Variants in CCDC149 observed in about 807,000 individuals in gnomAD.
The protein encoded by CCDC149 is coiled-coil domain containing 149, also known as coiled-coil domain-containing protein 149.
Under a neutral mutation model 59.9 loss-of-function variants are expected in CCDC149, and 45 were observed. That is an observed-to-expected ratio of 0.75 (90% CI 0.59 to 0.96). CCDC149 has a LOEUF of 0.96. Ranked by LOEUF, CCDC149 falls within the 40% of genes least tolerant of loss-of-function variation. CCDC149 has a pLI of 0.00. For synonymous variants in CCDC149, 245 were observed against 260.6 expected (o/e 0.94, Z 0.58); for missense variants, 584 against 664.7 (o/e 0.88, Z 1.33).
At chr4:24,918,554 G>T (rs1481493988) in intron 1 of CCDC149, among the ~76,000 whole-genome samples, 1 of 152,184 alleles carries the variant, frequency 6.6e-6, no homozygotes, top group Non-Finnish European at 1.5e-5. Context: ...GCCAGGCCTT[G>T]CTCTGCATCT....
exon 1 of CCDC149, chr4:24,980,121 C>T (rs960123136): frequency 1.3e-5 from 2 of 152,224 alleles, no homozygotes; most frequent in Non-Finnish European, 2.9e-5. Context: ...GACATCTGGA[C>T]TCCAGGAAAA....
At chr4:24,928,059 G>A (rs1167989159) in intron 1 of CCDC149, among the ~76,000 whole-genome samples, 2 of 152,150 alleles carry the variant, frequency 1.3e-5, no homozygotes, top group East Asian at 1.9e-4. Flanking sequence ...TACATTGTTC[G>A]CTGTGATTGA....
chr4:24,845,903 C>T (rs1717258592), intron 4 of CCDC149, among the ~76,000 whole-genome samples: 1 of 152,194 alleles, frequency 6.6e-6, no homozygotes, highest in Non-Finnish European at 1.5e-5. Flanking sequence ...TCTTTAGTGT[C>T]CCATCAAGCA....
rs533672007 is a variant in CCDC149, at chr4:24,887,414, C to G, written c.64-10717G>C. On this transcript the variant is annotated intron_variant, in intron 1 of 12. Transcript: ENST00000635206. ...CATGCCTGCTAATCCAGACAGAGTT[C>G]TCAGCAGATGATAAACAGACATGGC... Among the ~76,000 whole-genome samples the G allele has an allele frequency of 4.6e-5, 7 of 152,188 alleles. No homozygotes were observed. In the South Asian group the frequency reaches 1.5e-3, roughly 32 times the overall value.
rs75296728 is a variant in CCDC149, at chr4:24,970,449, A to T, written c.-65+9620T>A. On this transcript the variant is annotated intron_variant, in intron 1 of 12. Coordinates refer to the CCDC149 transcript ENST00000389609. ...ACCCACCCCCTGGCTAGCCTGTAGC[A>T]TTTATGATGGGTGGGGCTGGCTACT... Among the ~76,000 whole-genome samples the T allele has an allele frequency of 6.6e-5, 10 of 152,288 alleles. No homozygotes were observed. In the East Asian group the frequency reaches 1.9e-3, roughly 29 times the overall value.
At chr4:24,847,558 A>T (rs114388094) in intron 4 of CCDC149, among the ~76,000 whole-genome samples, 1,768 of 152,324 alleles carry the variant, frequency 0.012, 31 homozygotes, top group African/African-American at 0.04. Context: ...GATGCTAGAA[A>T]GTTAATTAGC....
In CCDC149 at chr4:24,950,330, C is replaced by T. The variant is rs1038310998; in HGVS notation, c.-65+29739G>A. Among the ~76,000 whole-genome samples, 4 of 152,234 alleles carry T rather than the reference C, an allele frequency of 2.6e-5. No homozygotes were observed. The South Asian group carries it at 8.3e-4, about 31-fold the overall frequency. ...GTGAAGGGTGATTCTAATCCAACCT[C>T]ATAGGTGGGTTGTGAAAATGTATTT... On this transcript the variant is annotated intron_variant, in intron 1 of 12. Transcript: ENST00000389609.
At chr4:24,919,243 C>T (rs759181803) in intron 1 of CCDC149, among the ~76,000 whole-genome samples, 15 of 152,252 alleles carry the variant, frequency 9.9e-5, no homozygotes, top group Middle Eastern at 3.4e-3. Flanking sequence ...CTGAACTAGG[C>T]TGTGAGGATG....
At position 24,855,411 on chromosome 4, in the gene CCDC149, C is replaced by A. The variant is rs548453829; in HGVS notation, c.265-2232G>T. 2.6e-5 allele frequency among the ~76,000 whole-genome samples: 4 copies of A among 152,066 alleles called. No homozygotes were observed. In the South Asian group the frequency reaches 8.3e-4, roughly 32 times the overall value. ...GAAACTCTGTCTCTACTAAAAAATA[C>A]AGAAATTAGCCAGGCATAGTAGCAC... On this transcript the variant is annotated intron_variant, in intron 3 of 12. Coordinates refer to ENST00000635206, the MANE Select transcript of CCDC149 (RefSeq NM_001330643.2).
upstream of CCDC149, among the ~76,000 whole-genome samples, chr4:24,916,842 T>A (rs1722137041): frequency 6.8e-6 from 1 of 146,682 alleles, no homozygotes; most frequent in Non-Finnish European, 1.5e-5. Flanking sequence ...ATTTATTAAT[T>A]AGCTCTATAT....
At chr4:24,868,576 A>G (rs763664946) in intron 3 of CCDC149, among the ~76,000 whole-genome samples, 27 of 152,148 alleles carry the variant, frequency 1.8e-4, no homozygotes, top group Admixed American at 6.5e-5. Flanking sequence ...CTAGTACAAT[A>G]ACTATATTAT....
At chr4:24,883,751 A>G (rs1719988230) in intron 1 of CCDC149, among the ~76,000 whole-genome samples, 2 of 152,370 alleles carry the variant, frequency 1.3e-5, no homozygotes, top group South Asian at 4.1e-4. Flanking sequence ...TAAAGCATCC[A>G]GAACACTTTT....
intron 1 of CCDC149, among the ~76,000 whole-genome samples, chr4:24,944,510 T>C (rs1374137519): frequency 6.6e-6 from 1 of 151,246 alleles, no homozygotes; most frequent in East Asian, 2.0e-4. Flanking sequence ...GTAACAAACC[T>C]GCACGTTGTG....
Position 24,940,491 on chromosome 4 carries a change from C to T in CCDC149, c.-65+39578G>A, listed in dbSNP as rs376989130. Among the ~76,000 whole-genome samples, 644 of 152,114 alleles carry T rather than the reference C, an allele frequency of 4.2e-3. 8 individuals are homozygous for T. Among genetic ancestry groups the T allele is most frequent in the African/African-American group, 0.014 (589 of 41,506 alleles). On this transcript the variant is annotated intron_variant, in intron 1 of 12. Coordinates refer to the CCDC149 transcript ENST00000389609. ...GCTAGGAAGAAACAGCATCAACTAA[C>T]GAGCAAAATAACCAGCTAACATCAT... is the stretch of plus-strand genomic sequence containing the variant.
Position 24,837,423 on chromosome 4 carries a change from T to TG in CCDC149, c.490-24_490-23insC. The TG allele has an allele frequency of 6.2e-7, 1 of 1,612,358 alleles. No individual in the cohort carries two copies. Among genetic ancestry groups the TG allele is most frequent in the Non-Finnish European group, 8.5e-7 (1 of 1,178,906 alleles). On this transcript the variant is annotated intron_variant, in intron 5 of 12. Transcript: ENST00000635206. The surrounding 1 kb of genome is among the most constrained non-coding windows in gnomAD (Gnocchi z 4.3). ...AATCTAAAACCACAGGGAGAGCCCT[T>TG]ACTCAAGATGTTCCTCAGGCTCCAG... is the stretch of plus-strand genomic sequence containing the variant.
At position 24,876,627 on chromosome 4, in the gene CCDC149, G is replaced by C; in HGVS notation, c.134C>G (p.Thr45Ser). ...GTACTGGTCCCTTTCCTGTTGACAGGTGTCCAGCTCCTTGGAGAGGATCAG... is the reference window on the plus strand; with the variant it reads ...GTACTGGTCCCTTTCCTGTTGACAGCTGTCCAGCTCCTTGGAGAGGATCAG... Residue 45 changes from threonine to serine, a missense_variant, in exon 2 of 13, where the codon ACC (threonine) becomes AGC (serine). Thr to Ser is a moderately conservative substitution (Grantham distance 58). Coordinates refer to ENST00000635206, the MANE Select transcript of CCDC149 (RefSeq NM_001330643.2). 1.2e-6 allele frequency: 2 copies of C among 1,614,088 alleles called. No individual in the cohort carries two copies. The highest frequency in any genetic ancestry group is 1.7e-6 in the Non-Finnish European group (2 of 1,180,008).
At chr4:24,876,428 T>A (rs1719444282) in intron 2 of CCDC149, 108 bp downstream of exon 2, 1 of 1,282,794 alleles carries the variant, frequency 7.8e-7, no homozygotes, top group African/African-American at 1.5e-5. Context: ...TTTTTCCACT[T>A]TGAACTGTTT....
chr4:24,927,628 G>A (rs183773038), intron 1 of CCDC149, among the ~76,000 whole-genome samples: 20 of 152,160 alleles, frequency 1.3e-4, no homozygotes, highest in African/African-American at 3.4e-4. Flanking sequence ...CCCCCTTCCC[G>A]TATAATGATG....
chr4:24,905,592 CGCCCA>C (rs35192982), intron 1 of CCDC149, among the ~76,000 whole-genome samples: 64,058 of 151,374 alleles, frequency 0.42, 15,388 homozygotes, highest in Non-Finnish European at 0.54. Context: ...CGTGCCACCA[CGCCCA>C]GCTAATTTTT....
Sources: allele counts gnomAD v4.1 joint callset (sites outside exome capture counted in the v4.1 genomes callset), GRCh38; gene constraint gnomAD v4.1.1; non-coding constraint Gnocchi (gnomAD v3.1); transcripts MANE v1.5; gene names NCBI Gene and HGNC (gene_info 2026-07-23, HGNC 2026-07-21).